SNAP25: variants seen among roughly 807,000 people sequenced by gnomAD.
SNAP25 encodes the protein synaptosomal-associated protein 25.
Under a neutral mutation model 28.7 loss-of-function variants are expected in SNAP25, and 3 were observed. The observed-to-expected ratio is 0.10, with a 90% CI of 0.05 to 0.27. The LOEUF is 0.27. Ranked by LOEUF, SNAP25 falls within the 10% of genes least tolerant of loss-of-function variation. The probability of loss-of-function intolerance (pLI) is 1.00; values close to 1 mark genes in which losing one functional copy is unlikely to be tolerated. For synonymous variants in SNAP25, 61 were observed against 88.1 expected, an observed-to-expected ratio of 0.69 and a Z score of 1.72; for missense variants, 117 against 278.7, an observed-to-expected ratio of 0.42 and a Z score of 4.13.
At chr20:10,225,995 G>C (rs539311973) in intron 1 of SNAP25, among the ~76,000 whole-genome samples, 3 of 152,150 alleles carry the variant, frequency 2.0e-5, no homozygotes, top group African/African-American at 7.2e-5. Context: ...TGAAAATCCT[G>C]CAAGTTGGAC....
At chr20:10,284,312 TGATA>T (rs1323258375) in intron 3 of SNAP25, among the ~76,000 whole-genome samples, 4 of 152,196 alleles carry the variant, frequency 2.6e-5, no homozygotes, top group Admixed American at 6.5e-5. Context: ...GAAGACTTTC[TGATA>T]GATAGTGCCA....
intron 1 of SNAP25, 133 bp from the exon 2 acceptor site, chr20:10,275,296 G>A (rs2063672171): frequency 2.7e-6 from 1 of 367,368 alleles, no homozygotes; most frequent in Admixed American, 4.5e-5. Flanking sequence ...GTTGACCCCT[G>A]TCTGAGTATG....
rs75094388 is a variant in SNAP25 at position 10,231,791 on chromosome 20, A to T, written c.-64+12814A>T. On this transcript the variant is annotated intron_variant, in intron 1 of 7. Coordinates refer to ENST00000254976, the MANE Select transcript of SNAP25 (RefSeq NM_130811.4). ...CCTATTAGAGCATTTCAGATTTCAG[A>T]TTTTCAGATTTGGGATGCTCAACTG... is the stretch of plus-strand genomic sequence containing the variant. 6.7e-3 allele frequency among the ~76,000 whole-genome samples: 1,019 copies of T among 152,292 alleles called. 3 individuals carry two copies. The highest frequency in any genetic ancestry group is 9.5e-3 in the Admixed American group (145 of 15,294).
At chr20:10,270,584 C>G (rs1341168345) in intron 1 of SNAP25, among the ~76,000 whole-genome samples, 3 of 152,048 alleles carry the variant, frequency 2.0e-5, no homozygotes, top group Non-Finnish European at 4.4e-5. Context: ...CCTGTAATCC[C>G]AGCTGCTTGG....
intron 1 of SNAP25, among the ~76,000 whole-genome samples, chr20:10,263,895 T>C (rs970484916): frequency 2.6e-5 from 4 of 152,152 alleles, no homozygotes; most frequent in African/African-American, 7.2e-5. Flanking sequence ...ATGAACAGAA[T>C]CAATGAGACA....
chr20:10,288,006 T>C (rs1489596533), intron 4 of SNAP25, among the ~76,000 whole-genome samples: 1 of 151,408 alleles, frequency 6.6e-6, no homozygotes, highest in African/African-American at 2.4e-5. Context: ...CTGGGGACTC[T>C]TGTGGGGTGG....
chr20:10,277,845 C>A, intron 3 of SNAP25, 119 bp downstream of exon 3: 1 of 943,388 alleles, frequency 1.1e-6, no homozygotes, highest in Non-Finnish European at 1.7e-6. Flanking sequence ...TGGATGTAGC[C>A]TATCAGAAAG....
At chr20:10,230,016 G>A (rs1223391195) in intron 1 of SNAP25, among the ~76,000 whole-genome samples, 1 of 152,170 alleles carries the variant, frequency 6.6e-6, no homozygotes. Context: ...AGAAAGGGCT[G>A]CAGAAATGTG....
At chr20:10,273,008 A>G (rs905763174) in intron 1 of SNAP25, among the ~76,000 whole-genome samples, 2 of 152,146 alleles carry the variant, frequency 1.3e-5, no homozygotes, top group African/African-American at 4.8e-5. Flanking sequence ...ATATGTACTA[A>G]AATTCCATCC....
At chr20:10,281,560 A>T (rs1050577861) in intron 3 of SNAP25, among the ~76,000 whole-genome samples, 62 of 152,336 alleles carry the variant, frequency 4.1e-4, no homozygotes, top group African/African-American at 1.4e-3. Context: ...CTGTAGAGGA[A>T]CTTGAGGTAC....
Position 10,277,764 on chromosome 20 carries a change from C to A in SNAP25, c.114+38C>A, listed in dbSNP as rs540020634. On this transcript the variant is annotated intron_variant, in intron 3 of 7. Coordinates refer to ENST00000254976, the MANE Select transcript of SNAP25 (RefSeq NM_130811.4). ...AGTATTTTAAGATAAAGGAACAAAT[C>A]CCTTATGCTGATACATCCTTTCCTA... 6 of 1,575,650 alleles carry A rather than the reference C, an allele frequency of 3.8e-6. No homozygotes were observed. In the African/African-American group the frequency reaches 5.4e-5, roughly 14 times the overall value.
chr20:10,306,890 C>A lies in SNAP25; in HGVS notation c.*693C>A, dbSNP rs2064373988. 6.5e-6 allele frequency: 1 copy of A among 153,784 alleles called. No homozygotes were observed. Among genetic ancestry groups the A allele is most frequent in the Non-Finnish European group, 1.5e-5 (1 of 68,190 alleles). The allele number at this position is 153,784 out of a possible 1,614,324, so 9.5% of individuals were successfully genotyped here. A position where few individuals can be genotyped will look rare whatever the true frequency, so the allele number is the denominator to read the frequency against. On this transcript the variant is annotated 3_prime_UTR_variant, in exon 8 of 8. Coordinates refer to ENST00000254976, the MANE Select transcript of SNAP25 (RefSeq NM_130811.4). ...GAGACACTGTCAAGATTAAGTTATACCAGCAAAAGTGCAGTAGTGTCACTT... is the reference window on the plus strand; with the variant it reads ...GAGACACTGTCAAGATTAAGTTATAACAGCAAAAGTGCAGTAGTGTCACTT...
chr20:10,260,776 A>C (rs954541995), intron 1 of SNAP25, among the ~76,000 whole-genome samples: 1 of 151,944 alleles, frequency 6.6e-6, no homozygotes, highest in Non-Finnish European at 1.5e-5. Context: ...TAGTACATTT[A>C]CAGTATTTCT....
chr20:10,268,447 A>G (rs1382880845), intron 1 of SNAP25, among the ~76,000 whole-genome samples: 1 of 152,228 alleles, frequency 6.6e-6, no homozygotes, highest in Non-Finnish European at 1.5e-5. Flanking sequence ...AAAGAAATAT[A>G]TTAGATCAGG....
intron 1 of SNAP25, among the ~76,000 whole-genome samples, chr20:10,249,643 T>C (rs6032829): frequency 0.86 from 131,415 of 152,026 alleles, 56,932 homozygotes; most frequent in African/African-American, 0.92. Flanking sequence ...CTGCTCAGTG[T>C]GGGCCACAGA....
At chr20:10,286,830 A>G (rs1037391080) in intron 4 of SNAP25, among the ~76,000 whole-genome samples, 4 of 152,208 alleles carry the variant, frequency 2.6e-5, no homozygotes, top group Non-Finnish European at 5.9e-5. Context: ...CAAATAACAA[A>G]GTCTACTAGA....
chr20:10,296,773 G>C (rs963452940), intron 5 of SNAP25, 152 bp from the exon 6 acceptor site: 66 of 1,132,386 alleles, frequency 5.8e-5, no homozygotes, highest in Non-Finnish European at 7.3e-5. Context: ...GTGGCCAACT[G>C]TTTGGGTCTG....
Position 10,257,673 on chromosome 20 carries a change from T to G in SNAP25, c.-63-17756T>G, listed in dbSNP as rs527565181. 2.5e-4 allele frequency among the ~76,000 whole-genome samples: 38 copies of G among 150,874 alleles called. 2 individuals are homozygous for G. Among genetic ancestry groups the G allele is most frequent in the African/African-American group, 9.2e-4 (37 of 40,360 alleles). ...TTGCAGTGAGCCGAGATTGCGCCAT[T>G]GCACTCCAGCCTGGTCAACAAGAGC... is the stretch of plus-strand genomic sequence containing the variant. On this transcript the variant is annotated intron_variant, in intron 1 of 7. Transcript: ENST00000254976.
chr20:10,254,207 C>T (rs980117587), intron 1 of SNAP25, among the ~76,000 whole-genome samples: 2 of 152,214 alleles, frequency 1.3e-5, no homozygotes, highest in Non-Finnish European at 2.9e-5. Flanking sequence ...CATACAGAGA[C>T]CAGAAATGGC....
Sources: allele counts gnomAD v4.1 joint callset (sites outside exome capture counted in the v4.1 genomes callset), GRCh38; gene constraint gnomAD v4.1.1; transcripts MANE v1.5; gene names NCBI Gene and HGNC (gene_info 2026-07-23, HGNC 2026-07-21).